KIAA1217: variants seen among roughly 807,000 people sequenced by gnomAD.
KIAA1217 encodes KIAA1217, also known as sickle tail protein homolog.
Under a neutral mutation model 163.9 loss-of-function variants are expected in KIAA1217, and 88 were observed. That is an observed-to-expected ratio of 0.54 (90% CI 0.45 to 0.64). KIAA1217 has a LOEUF of 0.64. Ranked by LOEUF, KIAA1217 falls within the 30% of genes least tolerant of loss-of-function variation. KIAA1217 has a pLI of 0.00. For synonymous variants in KIAA1217, 903 were observed against 923.1 expected (o/e 0.98, Z 0.39); for missense variants, 2,372 against 2,475.0 (o/e 0.96, Z 0.88).
intron 1 of KIAA1217, among the ~76,000 whole-genome samples, chr10:23,754,991 T>C (rs765912809): frequency 4.0e-5 from 6 of 151,638 alleles, no homozygotes; most frequent in African/African-American, 7.3e-5. Flanking sequence ...AACCACCAAA[T>C]TATCAAAATA....
chr10:24,252,688 T>C (rs1382518301), intron 2 of KIAA1217, among the ~76,000 whole-genome samples: 1 of 152,172 alleles, frequency 6.6e-6, no homozygotes. Context: ...CGGCACTGAT[T>C]GAGTCTAGTT....
chr10:23,872,916 A>G (rs1271978952), intron 1 of KIAA1217, among the ~76,000 whole-genome samples: 5 of 152,058 alleles, frequency 3.3e-5, no homozygotes, highest in African/African-American at 7.2e-5. Flanking sequence ...CAGCTCACCC[A>G]TTTAGAGGTC....
intron 2 of KIAA1217, among the ~76,000 whole-genome samples, chr10:24,023,695 T>A (rs532643393): frequency 1.4e-3 from 219 of 151,852 alleles, no homozygotes; most frequent in African/African-American, 5.0e-3. Context: ...TATAAAATAA[T>A]GTTCATAGTA....
At chr10:23,965,047 T>C (rs1845000630) in intron 1 of KIAA1217, among the ~76,000 whole-genome samples, 1 of 152,220 alleles carries the variant, frequency 6.6e-6, no homozygotes. Flanking sequence ...GGTGAAAATA[T>C]AGTCACACAA....
intron 1 of KIAA1217, among the ~76,000 whole-genome samples, chr10:23,901,941 A>T (rs1841975817): frequency 6.6e-6 from 1 of 151,730 alleles, no homozygotes; most frequent in African/African-American, 2.4e-5. Flanking sequence ...GGAAGAAAGA[A>T]AGAAAAGAAA....
At chr10:23,890,951 T>C (rs1206810234) in intron 1 of KIAA1217, among the ~76,000 whole-genome samples, 4 of 151,984 alleles carry the variant, frequency 2.6e-5, no homozygotes, top group African/African-American at 9.7e-5. Flanking sequence ...AATTGCTATG[T>C]CTTTCTGATA....
At chr10:24,076,067 G>A (rs1287123980) in intron 2 of KIAA1217, among the ~76,000 whole-genome samples, 2 of 152,132 alleles carry the variant, frequency 1.3e-5, no homozygotes, top group African/African-American at 4.8e-5. Context: ...GGGGGGAGTA[G>A]GGCCTCTGAG....
At chr10:23,995,373 A>C (rs1846422965) in intron 1 of KIAA1217, among the ~76,000 whole-genome samples, 1 of 152,182 alleles carries the variant, frequency 6.6e-6, no homozygotes, top group South Asian at 2.1e-4. Context: ...TGACATGTTC[A>C]TAATTGCAGG....
At chr10:24,239,900 C>G (rs1302042022) in intron 2 of KIAA1217, among the ~76,000 whole-genome samples, 1 of 151,878 alleles carries the variant, frequency 6.6e-6, no homozygotes, top group Non-Finnish European at 1.5e-5. Flanking sequence ...GCATTTTTCC[C>G]AGACTAGAAA....
intron 2 of KIAA1217, among the ~76,000 whole-genome samples, chr10:24,373,875 G>A (rs1001013442): frequency 2.0e-5 from 3 of 152,158 alleles, no homozygotes; most frequent in African/African-American, 7.2e-5. Context: ...AGCGGGTAAT[G>A]GGTATCACTG....
At chr10:24,127,971 A>G (rs1669454939) in intron 2 of KIAA1217, among the ~76,000 whole-genome samples, 1 of 152,198 alleles carries the variant, frequency 6.6e-6, no homozygotes, top group Admixed American at 6.5e-5. Context: ...AAAAAGAACA[A>G]TATTGCAAAT....
chr10:23,945,978 A>C (rs1414495961), intron 1 of KIAA1217, among the ~76,000 whole-genome samples: 2 of 152,166 alleles, frequency 1.3e-5, no homozygotes, highest in Non-Finnish European at 2.9e-5. Flanking sequence ...TTGACTGTAG[A>C]GCTTACTCTA....
chr10:24,544,146 G>A lies in KIAA1217; in HGVS notation c.4876G>A (p.Ala1626Thr), dbSNP rs766737889. Residue 1626 changes from alanine (A) to threonine (T), a missense_variant, in exon 19 of 21, where the codon GCT (alanine) becomes ACT (threonine). Ala to Thr is a moderately conservative substitution (Grantham distance 58). This residue lies in a region of KIAA1217 where 690 missense variants were observed against 677.5 expected (regional missense o/e 1.02). Transcript: ENST00000376454. ...CAAAGAAGCCAAGCGCTTCGAAATC[G>A]CTAGGTCTCAACCTGAAGACACCCC... ...QHKEAKRFEI[A>T]RSQPEDTPEN... 6.2e-6 allele frequency: 10 copies of A among 1,613,906 alleles called. No homozygotes were observed. Among genetic ancestry groups the A allele is most frequent in the African/African-American group, 4.0e-5 (3 of 74,882 alleles).
At chr10:23,697,248 G>A (rs1836107197) in intron 1 of KIAA1217, among the ~76,000 whole-genome samples, 1 of 152,040 alleles carries the variant, frequency 6.6e-6, no homozygotes, top group African/African-American at 2.4e-5. Context: ...GAGGCAGATG[G>A]GTGAAAAATA....
chr10:24,438,622 G>A, intron 5 of KIAA1217, 143 bp downstream of exon 5: 1 of 590,520 alleles, frequency 1.7e-6, no homozygotes, highest in Non-Finnish European at 3.0e-6. Context: ...ATCATTATTT[G>A]TTCTTGGTAG....
chr10:24,546,288 C>T lies in KIAA1217; in HGVS notation c.5796C>T (p.Ser1932=), dbSNP rs2075717886. Residue 1932 remains serine (S), a synonymous_variant, in exon 21 of 21, where the codon AGC becomes AGT. Coordinates refer to ENST00000376454, the MANE Select transcript of KIAA1217 (RefSeq NM_019590.5). The part of the protein sequence containing the change: ...TSYKAQNGSS[S]KATPSTAKET... ...ACAAGGCACAGAATGGAAGTTCAAGCAAAGCCACCCCATCCACAGCAAAAG... is the reference window on the plus strand; with the variant it reads ...ACAAGGCACAGAATGGAAGTTCAAGTAAAGCCACCCCATCCACAGCAAAAG... 6.2e-7 allele frequency: 1 copy of T among 1,610,942 alleles called. No homozygotes were observed. Among genetic ancestry groups the T allele is most frequent in the Non-Finnish European group, 8.5e-7 (1 of 1,178,150 alleles).
At chr10:23,961,503 G>A (rs1025534593) in intron 1 of KIAA1217, among the ~76,000 whole-genome samples, 1 of 152,162 alleles carries the variant, frequency 6.6e-6, no homozygotes, top group East Asian at 1.9e-4. Context: ...GCATTCAGAG[G>A]TGTCTCTGGT....
At chr10:23,738,213 T>C (rs554380212) in intron 1 of KIAA1217, among the ~76,000 whole-genome samples, 2 of 152,300 alleles carry the variant, frequency 1.3e-5, no homozygotes, top group African/African-American at 4.8e-5. Context: ...TGAGGCTATA[T>C]TTTAATATTT....
At chr10:24,239,012 T>A in intron 2 of KIAA1217, 1 of 226,956 alleles carries the variant, frequency 4.4e-6, no homozygotes, top group Non-Finnish European at 7.3e-6. Context: ...ATTGTTTAAG[T>A]CTTCGCCTGA....
Sources: gnomAD v4.1 joint callset for allele counts (sites outside exome capture counted in the v4.1 genomes callset) on GRCh38, gnomAD v4.1.1 for gene constraint, gnomAD v4.1.1 regional missense constraint, MANE v1.5 for transcripts, NCBI Gene and HGNC (gene_info 2026-07-23, HGNC 2026-07-21) for gene names.